The following RLF variants were observed in gnomAD, a reference collection of about 807,000 sequenced individuals.
The protein encoded by RLF is RLF zinc finger, also known as zinc finger protein Rlf.
RLF carries 7 observed loss-of-function variants against 162.9 expected under a neutral mutation model. The observed-to-expected ratio is 0.04, with a 90% CI of 0.02 to 0.08. The LOEUF (loss-of-function observed/expected upper bound fraction) is 0.08. Among genes scored for constraint, RLF ranks in the 10% least tolerant of loss-of-function variants. The pLI, the probability that RLF is intolerant of heterozygous loss-of-function variation, is 1.00. For missense variants in RLF, 1,664 were observed against 2,244.7 expected (o/e 0.74, Z 5.23); for synonymous variants, 782 against 791.5 (o/e 0.99, Z 0.20).
chr1:40,189,955 C>T (rs1642534531), intron 2 of RLF, among the ~76,000 whole-genome samples: 1 of 152,192 alleles, frequency 6.6e-6, no homozygotes. Flanking sequence ...GTTCAACTTA[C>T]AGATTGTTTA....
At chr1:40,195,404 G>A (rs957331869) in intron 3 of RLF, among the ~76,000 whole-genome samples, 14 of 150,988 alleles carry the variant, frequency 9.3e-5, no homozygotes, top group African/African-American at 3.2e-4. Context: ...AGCTGAGATC[G>A]CGCCACTGCA....
At chr1:40,194,172 T>C (rs929646709) in intron 3 of RLF, among the ~76,000 whole-genome samples, 1 of 138,898 alleles carries the variant, frequency 7.2e-6, no homozygotes, top group Non-Finnish European at 1.6e-5. Context: ...AATAGACTTT[T>C]CAGGACATTT....
At chr1:40,228,023 G>A (rs534027361) in intron 6 of RLF, among the ~76,000 whole-genome samples, 16 of 152,030 alleles carry the variant, frequency 1.1e-4, no homozygotes, top group Admixed American at 9.2e-4. Context: ...ATTTATTTGA[G>A]CCTGTAATCC....
chr1:40,221,899 C>G (rs1315111202), intron 5 of RLF, among the ~76,000 whole-genome samples: 1 of 65,046 alleles, frequency 1.5e-5, no homozygotes, highest in Admixed American at 1.8e-4. Context: ...GACTCCGTCT[C>G]AAAAAAAAAA....
chr1:40,200,674 C>T (rs1453538353), intron 4 of RLF, among the ~76,000 whole-genome samples: 1 of 151,610 alleles, frequency 6.6e-6, no homozygotes, highest in African/African-American at 2.4e-5. Context: ...GGGTGGGAAA[C>T]CAGAGCACTG....
intron 2 of RLF, 149 bp downstream of exon 2, chr1:40,189,358 C>G (rs1440999436): frequency 6.5e-6 from 4 of 612,370 alleles, no homozygotes; most frequent in Non-Finnish European, 1.1e-5. Flanking sequence ...ACTCACGTTC[C>G]CAGGAGATAT....
In RLF at chr1:40,161,766, G is replaced by A. The variant is rs532244759; in HGVS notation, c.237+130G>A. On this transcript the variant is annotated intron_variant, in intron 1 of 7. Transcript: ENST00000372771. The surrounding 1 kb of genome is among the most constrained non-coding windows in gnomAD (Gnocchi z 4.4). The stretch of plus-strand genomic sequence containing the variant: ...CCGTGACTCGCCGCGCCCCCGGGCC[G>A]GGAAGGCCCAGCTCGGAAGCTCGAC... 7.5e-7 allele frequency: 1 copy of A among 1,326,586 alleles called. No individual in the cohort carries two copies. The highest frequency in any genetic ancestry group is 1.0e-6 in the Non-Finnish European group (1 of 990,538). 82.2% of individuals were successfully genotyped at this position (1,326,586 alleles called of 1,614,324 possible).
At chr1:40,214,721 C>T (rs901083838) in intron 5 of RLF, among the ~76,000 whole-genome samples, 2 of 151,710 alleles carry the variant, frequency 1.3e-5, no homozygotes, top group Non-Finnish European at 1.5e-5. Context: ...GCCTGAGCAA[C>T]ATCTACATGT....
intron 4 of RLF, among the ~76,000 whole-genome samples, chr1:40,200,270 G>A (rs1467060964): frequency 6.6e-6 from 1 of 152,130 alleles, no homozygotes; most frequent in Non-Finnish European, 1.5e-5. Context: ...AATATAAATT[G>A]GTACAATTTT....
At chr1:40,169,210 G>T (rs1291169045) in intron 1 of RLF, among the ~76,000 whole-genome samples, 1 of 152,106 alleles carries the variant, frequency 6.6e-6, no homozygotes, top group East Asian at 1.9e-4. Context: ...ACTTTCCCAG[G>T]ATCACACAGC....
intron 5 of RLF, among the ~76,000 whole-genome samples, chr1:40,210,170 G>A (rs971521370): frequency 2.0e-5 from 3 of 152,098 alleles, no homozygotes; most frequent in East Asian, 1.9e-4. Context: ...ATTAAAACCC[G>A]TTTTGTTTCT....
intron 1 of RLF, among the ~76,000 whole-genome samples, chr1:40,178,865 C>T (rs1460085740): frequency 6.6e-6 from 1 of 151,500 alleles, no homozygotes; most frequent in Non-Finnish European, 1.5e-5. Context: ...GATGGAGCCT[C>T]GCTGTGTCAC....
At chr1:40,182,753 G>GTAGGTAGGTAGATGGA (rs144667492) in intron 1 of RLF, among the ~76,000 whole-genome samples, 3 of 148,874 alleles carry the variant, frequency 2.0e-5, no homozygotes, top group African/African-American at 7.4e-5. Flanking sequence ...AGATAGATAG[G>GTAGGTAGGTAGATGGA]TAGATAGATA....
chr1:40,165,661 C>G (rs1176418703), intron 1 of RLF, among the ~76,000 whole-genome samples: 1 of 152,164 alleles, frequency 6.6e-6, no homozygotes, highest in Non-Finnish European at 1.5e-5. Context: ...TCTCCTGTTG[C>G]AGCAACCTCT....
intron 5 of RLF, among the ~76,000 whole-genome samples, chr1:40,204,315 A>G (rs1301756854): frequency 6.6e-6 from 1 of 151,840 alleles, no homozygotes; most frequent in Non-Finnish European, 1.5e-5. Flanking sequence ...GCTCCCGGCC[A>G]CTGGTCTCTC....
At chr1:40,196,418 A>C (rs11808248) in intron 4 of RLF, among the ~76,000 whole-genome samples, 16,496 of 152,044 alleles carry the variant, frequency 0.11, 1,000 homozygotes, top group South Asian at 0.15. Flanking sequence ...GCCATGAAAA[A>C]AGTTTTTTTT....
intron 6 of RLF, among the ~76,000 whole-genome samples, chr1:40,228,215 G>T (rs1313059025): frequency 6.6e-6 from 1 of 151,892 alleles, no homozygotes; most frequent in Non-Finnish European, 1.5e-5. Flanking sequence ...GAACTTGGGA[G>T]GCAGAGGTTG....
At chr1:40,172,515 C>T (rs1240006877) in intron 1 of RLF, among the ~76,000 whole-genome samples, 4 of 152,094 alleles carry the variant, frequency 2.6e-5, no homozygotes, top group African/African-American at 9.7e-5. Flanking sequence ...CCGGGTGCGG[C>T]GGCTCACACC....
chr1:40,202,046 T>C (rs952829040), intron 4 of RLF, among the ~76,000 whole-genome samples: 1 of 152,172 alleles, frequency 6.6e-6, no homozygotes, highest in African/African-American at 2.4e-5. Flanking sequence ...TGAATATTAA[T>C]TTTCCTAACC....
Sources: gnomAD v4.1 joint callset for allele counts (sites outside exome capture counted in the v4.1 genomes callset) on GRCh38, gnomAD v4.1.1 for gene constraint, Gnocchi (gnomAD v3.1) non-coding constraint, MANE v1.5 for transcripts, NCBI Gene and HGNC (gene_info 2026-07-23, HGNC 2026-07-21) for gene names.